Variants in WDR27 observed in about 807,000 individuals in gnomAD.
WDR27 encodes the protein WD repeat domain 27, also known as WD repeat-containing protein 27.
In WDR27, 100 loss-of-function variants were observed where a neutral mutation model predicts 114.4. The observed-to-expected ratio is 0.87, with a 90% confidence interval of 0.74 to 1.03. The LOEUF (loss-of-function observed/expected upper bound fraction) is 1.03, where lower values mean the gene tolerates loss of function less well. Among genes scored for constraint, WDR27 ranks in the 50% least tolerant of loss-of-function variants. WDR27 has a pLI of 0.00. For synonymous variants in WDR27, 449 were observed against 423.1 expected (o/e 1.06, Z -0.75); for missense variants, 1,129 against 1,092.9 (o/e 1.03, Z -0.47).
chr6:169,434,755 A>G, the WDR27 span, among the ~76,000 whole-genome samples: 1 of 152,254 alleles, frequency 6.6e-6, no homozygotes, highest in Non-Finnish European at 1.5e-5. Flanking sequence ...TACAAGGGAA[A>G]TGGAGCATAA....
rs1413005856 is a variant in WDR27, at chr6:169,662,342, G to A, written c.987C>T (p.Pro329=). 3 of 1,613,964 alleles carry A rather than the reference G, an allele frequency of 1.9e-6. No individual in the cohort carries two copies. The highest frequency in any genetic ancestry group is 1.1e-5 in the South Asian group (1 of 91,072). The part of the protein sequence containing the change: ...EVTFPVLRLA[P]CDLSLIPNSA... ...AATTTGGGATGAGTGAGAGATCACA[G>A]GGTGCAAGTCTCAGTACAGGAAATG... The change falls in exon 9 of 26, where the codon CCC becomes CCT. Residue 329 remains proline, a synonymous_variant. Transcript: ENST00000448612.
intron 25 of WDR27, among the ~76,000 whole-genome samples, chr6:169,502,078 C>A: frequency 6.6e-6 from 1 of 152,178 alleles, no homozygotes; most frequent in Middle Eastern, 3.2e-3. Flanking sequence ...TCCCCCCAGG[C>A]TAGGGCAGCC....
At chr6:169,521,587 T>C (rs926217384) in intron 25 of WDR27, among the ~76,000 whole-genome samples, 2 of 151,998 alleles carry the variant, frequency 1.3e-5, no homozygotes, top group Non-Finnish European at 2.9e-5. Context: ...AAAACAATAA[T>C]AGCTACAGCG....
chr6:169,699,983 G>A (rs1221426182), intron 1 of WDR27, among the ~76,000 whole-genome samples: 3 of 152,086 alleles, frequency 2.0e-5, no homozygotes, highest in Admixed American at 6.5e-5. Context: ...CTGTCTCAAA[G>A]GAAAGAAAAA....
chr6:169,534,373 G>T (rs1173523091), intron 25 of WDR27, among the ~76,000 whole-genome samples: 2 of 152,064 alleles, frequency 1.3e-5, no homozygotes, highest in Non-Finnish European at 2.9e-5. Flanking sequence ...TTTTTAATCT[G>T]GTTTTGGACT....
intron 15 of WDR27, among the ~76,000 whole-genome samples, chr6:169,648,277 T>A (rs1040978573): frequency 6.6e-6 from 1 of 152,238 alleles, no homozygotes. Context: ...TCCGTGCACA[T>A]GCCAATGCCT....
chr6:169,480,216 C>G (rs1562471914), intron 25 of WDR27, among the ~76,000 whole-genome samples: 1 of 152,256 alleles, frequency 6.6e-6, no homozygotes, highest in Non-Finnish European at 1.5e-5. Context: ...GGTCCCCTAG[C>G]ACTGCCAGCC....
intron 23 of WDR27, among the ~76,000 whole-genome samples, chr6:169,601,292 G>A (rs1243878944): frequency 2.0e-5 from 3 of 152,170 alleles, no homozygotes; most frequent in African/African-American, 7.2e-5. Flanking sequence ...AGGTCTTGAA[G>A]TTATTTCTAA....
chr6:169,538,737 A>AC (rs1584064726), intron 25 of WDR27, among the ~76,000 whole-genome samples: 3 of 120,826 alleles, frequency 2.5e-5, no homozygotes, highest in East Asian at 5.4e-4. Flanking sequence ...CACACACACA[A>AC]ACACACTTAT....
At chr6:169,500,102 C>G (rs1466786297) in intron 25 of WDR27, among the ~76,000 whole-genome samples, 2 of 152,194 alleles carry the variant, frequency 1.3e-5, no homozygotes, top group African/African-American at 2.4e-5. Context: ...TGGAGCGCTA[C>G]TCAGTATAAA....
intron 25 of WDR27, among the ~76,000 whole-genome samples, chr6:169,492,191 T>A (rs1000366733): frequency 1.3e-5 from 2 of 151,816 alleles, no homozygotes; most frequent in African/African-American, 4.8e-5. Flanking sequence ...AAGGTGGGTA[T>A]GTTAGAGAAC....
At chr6:169,578,324 T>C (rs962632388) in intron 24 of WDR27, among the ~76,000 whole-genome samples, 1 of 152,244 alleles carries the variant, frequency 6.6e-6, no homozygotes, top group Non-Finnish European at 1.5e-5. Context: ...CACGGGCTTA[T>C]CTTCCAGAAA....
At chr6:169,436,506 A>G in the WDR27 span, among the ~76,000 whole-genome samples, 7 of 152,126 alleles carry the variant, frequency 4.6e-5, no homozygotes, top group Non-Finnish European at 1.0e-4. Context: ...TCTTACTTAG[A>G]TGAACACCTG....
chr6:169,587,661 C>A (rs1804922915), intron 23 of WDR27, among the ~76,000 whole-genome samples: 1 of 152,224 alleles, frequency 6.6e-6, no homozygotes, highest in Non-Finnish European at 1.5e-5. Context: ...TTTGCTTTGT[C>A]AGATAATGAC....
intron 25 of WDR27, among the ~76,000 whole-genome samples, chr6:169,561,533 A>G (rs1035894757): frequency 2.6e-5 from 4 of 152,250 alleles, no homozygotes; most frequent in Non-Finnish European, 5.9e-5. Flanking sequence ...TATACTTTAA[A>G]TTAAAGAAAC....
chr6:169,525,105 TA>T (rs1326323392), intron 25 of WDR27, among the ~76,000 whole-genome samples: 4 of 151,800 alleles, frequency 2.6e-5, no homozygotes, highest in East Asian at 1.9e-4. Context: ...TAAATCCAAT[TA>T]AAAAAAATCT....
chr6:169,602,083 G>A (rs2128170384), intron 23 of WDR27, 136 bp downstream of exon 23: 2 of 537,056 alleles, frequency 3.7e-6, no homozygotes, highest in South Asian at 4.6e-5. Context: ...TGCTATTACT[G>A]TGTAAGAGTC....
chr6:169,447,150 T>C, the WDR27 span, among the ~76,000 whole-genome samples: 2 of 152,220 alleles, frequency 1.3e-5, no homozygotes, highest in African/African-American at 4.8e-5. Context: ...AATTTTTTTC[T>C]TTAGGATTCA....
At chr6:169,643,830 T>C (rs1819782098) in intron 16 of WDR27, 44 bp from the exon 17 acceptor site, 1 of 1,504,530 alleles carries the variant, frequency 6.6e-7, no homozygotes, top group Non-Finnish European at 9.1e-7. Flanking sequence ...AAAAGCCTAA[T>C]TCATAGGAGT....
Sources: allele counts gnomAD v4.1 joint callset (sites outside exome capture counted in the v4.1 genomes callset), GRCh38; gene constraint gnomAD v4.1.1; transcripts MANE v1.5; gene names NCBI Gene and HGNC (gene_info 2026-07-23, HGNC 2026-07-21).